TRIP12: variants seen among roughly 807,000 people sequenced by gnomAD.
The protein encoded by TRIP12 is thyroid hormone receptor interactor 12, also known as E3 ubiquitin-protein ligase TRIP12.
Under a neutral mutation model 244.2 loss-of-function variants are expected in TRIP12, and 25 were observed. The observed-to-expected ratio is 0.10, with a 90% confidence interval of 0.07 to 0.14. TRIP12 has a LOEUF of 0.14. Ranked by LOEUF, TRIP12 falls within the 10% of genes least tolerant of loss-of-function variation. The probability of loss-of-function intolerance (pLI) is 1.00; values close to 1 mark genes in which losing one functional copy is unlikely to be tolerated. For synonymous variants in TRIP12, 905 were observed against 873.1 expected, an observed-to-expected ratio of 1.04 and a Z score of -0.64; for missense variants, 1,677 against 2,486.4, an observed-to-expected ratio of 0.67 and a Z score of 6.92.
At chr2:229,818,573 G>A in intron 8 of TRIP12, 61 bp from the exon 9 acceptor site, 1 of 1,474,754 alleles carries the variant, frequency 6.8e-7, no homozygotes, top group Non-Finnish European at 9.2e-7. Flanking sequence ...CTAGGTATAA[G>A]GTGTGACTCG....
chr2:229,825,986 A>G (rs2051452840), intron 8 of TRIP12, among the ~76,000 whole-genome samples: 1 of 152,206 alleles, frequency 6.6e-6, no homozygotes, highest in African/African-American at 2.4e-5. Context: ...AAAAACAAAC[A>G]TGTTAAAAAG....
intron 1 of TRIP12, among the ~76,000 whole-genome samples, chr2:229,882,750 A>C (rs2065142452): frequency 6.6e-6 from 1 of 152,186 alleles, no homozygotes; most frequent in African/African-American, 2.4e-5. Flanking sequence ...ACTGTATGTC[A>C]TGGAGTGTTA....
intron 34 of TRIP12, among the ~76,000 whole-genome samples, chr2:229,780,420 C>T (rs2037723663): frequency 2.6e-5 from 4 of 152,216 alleles, no homozygotes; most frequent in Non-Finnish European, 5.9e-5. Flanking sequence ...CATCTTGTAT[C>T]CCATTCTCAC....
chr2:229,812,022 A>AT (rs2047370464), intron 13 of TRIP12, among the ~76,000 whole-genome samples: 1 of 152,212 alleles, frequency 6.6e-6, no homozygotes, highest in East Asian at 1.9e-4. Context: ...TATGGAACTG[A>AT]TTATCACATA....
rs2076667780 is a variant in TRIP12 at position 229,921,908 on chromosome 2, G to C, written c.-78C>G. On this transcript the variant is annotated 5_prime_UTR_variant, in exon 1 of 42. Transcript: ENST00000675903. ...GTTAGGCCCCAAAGTCTCCGGTCCG[G>C]ACTCGGTGGCGCGGCAGTAACTTCC... The C allele has an allele frequency of 1.4e-5, 2 of 147,904 alleles. No homozygotes were observed. Among genetic ancestry groups the C allele is most frequent in the African/African-American group, 5.0e-5 (2 of 39,668 alleles). 9.2% of individuals were successfully genotyped at this position (147,904 alleles called of 1,614,324 possible).
At chr2:229,860,592 A>C in intron 2 of TRIP12, 61 bp from the exon 3 acceptor site, 1 of 1,411,466 alleles carries the variant, frequency 7.1e-7, no homozygotes, top group Non-Finnish European at 9.4e-7. Context: ...TACAATACTG[A>C]AAATGAAATA....
chr2:229,801,831 A>G (rs2044432175), intron 21 of TRIP12, among the ~76,000 whole-genome samples: 1 of 152,140 alleles, frequency 6.6e-6, no homozygotes, highest in African/African-American at 2.4e-5. Context: ...TTATTCTAAG[A>G]CTTCTAATTT....
At chr2:229,807,945 C>A in intron 16 of TRIP12, 81 bp from the exon 17 acceptor site, 1 of 1,431,722 alleles carries the variant, frequency 7.0e-7, no homozygotes. Flanking sequence ...AATAATCTCA[C>A]ACAAACCAAA....
chr2:229,866,833 A>T (rs2061577767), intron 2 of TRIP12, among the ~76,000 whole-genome samples: 1 of 152,140 alleles, frequency 6.6e-6, no homozygotes, highest in South Asian at 2.1e-4. Flanking sequence ...CACCATTTAA[A>T]CCTGGCCCTG....
At chr2:229,786,987 A>G (rs562709342) in intron 33 of TRIP12, among the ~76,000 whole-genome samples, 1 of 152,362 alleles carries the variant, frequency 6.6e-6, no homozygotes, top group East Asian at 1.9e-4. Flanking sequence ...CGTGGTTCAG[A>G]GCCACAAATG....
At chr2:229,880,837 G>T (rs7595575) in intron 1 of TRIP12, among the ~76,000 whole-genome samples, 17,709 of 152,136 alleles carry the variant, frequency 0.12, 1,281 homozygotes, top group Admixed American at 0.18. Flanking sequence ...CCAGCAACTT[G>T]GGAGGCTGAG....
chr2:229,859,996 A>G (rs1168315106), intron 3 of TRIP12, among the ~76,000 whole-genome samples: 1 of 152,244 alleles, frequency 6.6e-6, no homozygotes, highest in Admixed American at 6.5e-5. Context: ...AGATTTTTAT[A>G]TTGTAGTACT....
At chr2:229,880,201 T>TA in intron 1 of TRIP12, 73 bp from the exon 2 acceptor site, 1 of 907,502 alleles carries the variant, frequency 1.1e-6, no homozygotes, top group Non-Finnish European at 1.7e-6. Context: ...GAGGGGAACT[T>TA]ACGGTGACAT....
At chr2:229,906,388 G>GAA (rs796336153) in intron 1 of TRIP12, among the ~76,000 whole-genome samples, 1 of 142,580 alleles carries the variant, frequency 7.0e-6, no homozygotes, top group Non-Finnish European at 1.5e-5. Flanking sequence ...ATCTATTTCT[G>GAA]AAAAAAAAAA....
chr2:229,806,628 C>G (rs1409003020), intron 17 of TRIP12, among the ~76,000 whole-genome samples: 2 of 152,124 alleles, frequency 1.3e-5, no homozygotes, highest in Non-Finnish European at 2.9e-5. Flanking sequence ...AGTTAGAGAC[C>G]AGGACCACTA....
At chr2:229,849,586 G>A (rs2058252266) in intron 4 of TRIP12, among the ~76,000 whole-genome samples, 2 of 152,154 alleles carry the variant, frequency 1.3e-5, no homozygotes, top group Admixed American at 6.5e-5. Context: ...GATCTGGCCA[G>A]GCATAGTGGC....
intron 1 of TRIP12, among the ~76,000 whole-genome samples, chr2:229,915,107 G>T (rs2075121073): frequency 6.6e-6 from 1 of 152,074 alleles, no homozygotes; most frequent in African/African-American, 2.4e-5. Flanking sequence ...CAAAAAATTA[G>T]CTGGGTGTGG....
chr2:229,777,171 G>A (rs1364829951), intron 37 of TRIP12, 144 bp downstream of exon 37: 17 of 888,376 alleles, frequency 1.9e-5, no homozygotes, highest in Admixed American at 2.7e-5. Flanking sequence ...GAAATCATAT[G>A]TCTTAGTTAG....
Position 229,860,530 on chromosome 2 carries a change from A to T in TRIP12, c.100T>A (p.Ser34Thr). Reference sequence around the variant, plus strand: ...TTATGTTTTGCCTGCCCTAAATGTGACCTGTCAGCAGAAAATCAAAACAGA... The same window carrying T: ...TTATGTTTTGCCTGCCCTAAATGTGTCCTGTCAGCAGAAAATCAAAACAGA... ...QPQDDSIGGR[S>T]HLGQAKHKGY... The change falls in exon 3 of 42, where the codon TCA becomes ACA. Residue 34 changes from serine (S) to threonine (T), a missense_variant and splice_region_variant. Around this residue, in one of 11 missense-constraint regions of TRIP12, gnomAD observed 387 missense variants for 392.6 expected, o/e 0.99. Coordinates refer to ENST00000675903, the MANE Select transcript of TRIP12 (RefSeq NM_001348323.3). 1 of 1,591,230 alleles carries T rather than the reference A, an allele frequency of 6.3e-7. No homozygotes were observed. The highest frequency in any genetic ancestry group is 8.5e-7 in the Non-Finnish European group (1 of 1,170,616).
Sources: allele counts gnomAD v4.1 joint callset (sites outside exome capture counted in the v4.1 genomes callset), GRCh38; gene constraint gnomAD v4.1.1; regional missense constraint gnomAD v4.1.1; transcripts MANE v1.5; gene names NCBI Gene and HGNC (gene_info 2026-07-23, HGNC 2026-07-21).